The following ZC3H12B variants were observed in gnomAD, a reference collection of about 807,000 sequenced individuals.
ZC3H12B encodes the protein zinc finger CCCH-type containing 12B, also known as probable ribonuclease ZC3H12B.
ZC3H12B carries 7 observed loss-of-function variants against 43.9 expected under a neutral mutation model. That is an observed-to-expected ratio of 0.16 (90% CI 0.09 to 0.30). The LOEUF (loss-of-function observed/expected upper bound fraction) is 0.30. ZC3H12B is among the 10% of genes least tolerant of loss of function. The pLI is 1.00. For missense variants in ZC3H12B, 475 were observed against 670.2 expected, an observed-to-expected ratio of 0.71 and a Z score of 3.22; for synonymous variants, 222 against 241.7, an observed-to-expected ratio of 0.92 and a Z score of 0.76.
At chrX:65,085,654 C>G in the ZC3H12B span, among the ~76,000 whole-genome samples, 1 of 110,031 alleles carries the variant, frequency 9.1e-6, no homozygotes, top group Non-Finnish European at 1.9e-5. Flanking sequence ...CACTGGTAAT[C>G]CCAGCTACTC....
At chrX:65,179,254 T>A in the ZC3H12B span, among the ~76,000 whole-genome samples, 1 of 107,525 alleles carries the variant, frequency 9.3e-6, no homozygotes, top group African/African-American at 3.4e-5. Context: ...GTGGGGCCTG[T>A]CGGGGTGTTG....
chrX:65,083,219 T>G, the ZC3H12B span, among the ~76,000 whole-genome samples: 1 of 111,393 alleles, frequency 9.0e-6, no homozygotes, highest in Non-Finnish European at 1.9e-5. Flanking sequence ...GGATGCCCAC[T>G]GCCACCCCTG....
chrX:65,223,049 T>C, the ZC3H12B span, among the ~76,000 whole-genome samples: 6 of 111,682 alleles, frequency 5.4e-5, no homozygotes, highest in African/African-American at 2.0e-4. Context: ...CATAGACCAA[T>C]GGAACAGAAT....
the ZC3H12B span, among the ~76,000 whole-genome samples, chrX:65,267,115 T>G: frequency 6.9e-4 from 76 of 110,246 alleles, no homozygotes; most frequent in African/African-American, 2.3e-3. Context: ...TAAAGCAGGG[T>G]TGTAAAAAGC....
intron 3 of ZC3H12B, among the ~76,000 whole-genome samples, chrX:65,436,220 G>A (rs1266241165): frequency 9.0e-6 from 1 of 111,675 alleles, no homozygotes; most frequent in Non-Finnish European, 1.9e-5. Context: ...GAACAGCAAG[G>A]GGGATGTCTG....
chrX:65,398,236 C>T (rs1158867931), intron 2 of ZC3H12B, among the ~76,000 whole-genome samples: 4 of 111,780 alleles, frequency 3.6e-5, no homozygotes, highest in African/African-American at 6.5e-5. Context: ...TATCCAAATA[C>T]CATTGATACT....
the ZC3H12B span, among the ~76,000 whole-genome samples, chrX:65,123,616 G>A: frequency 5.7e-5 from 6 of 105,975 alleles, no homozygotes. Flanking sequence ...CATGAGCATA[G>A]GATGTGTTTC....
the ZC3H12B span, among the ~76,000 whole-genome samples, chrX:65,160,677 G>T: frequency 9.0e-6 from 1 of 111,260 alleles, no homozygotes; most frequent in Non-Finnish European, 1.9e-5. Context: ...CTTGCTAATG[G>T]TGTATCAATT....
chrX:65,046,244 A>G, the ZC3H12B span, among the ~76,000 whole-genome samples: 7 of 111,943 alleles, frequency 6.3e-5, no homozygotes, highest in Non-Finnish European at 1.3e-4. Flanking sequence ...TCTAACTGTG[A>G]AAGTCCTAGA....
chrX:65,225,036 T>C, the ZC3H12B span, among the ~76,000 whole-genome samples: 3 of 111,854 alleles, frequency 2.7e-5, no homozygotes, highest in Non-Finnish European at 5.6e-5. Flanking sequence ...TCTCCCATCA[T>C]GCAGCTGGAG....
chrX:65,113,700 C>T, the ZC3H12B span, among the ~76,000 whole-genome samples: 6 of 110,079 alleles, frequency 5.5e-5, no homozygotes, highest in South Asian at 3.9e-4. Context: ...GGAACCACCA[C>T]GCTGATCAGT....
the ZC3H12B span, among the ~76,000 whole-genome samples, chrX:65,249,830 T>C: frequency 1.0e-5 from 1 of 98,535 alleles, no homozygotes; most frequent in Admixed American, 1.1e-4. Flanking sequence ...GCAGCTATTG[T>C]AAACGGGTTT....
the ZC3H12B span, among the ~76,000 whole-genome samples, chrX:65,336,006 A>G: frequency 3.6e-5 from 4 of 111,895 alleles, no homozygotes; most frequent in Non-Finnish European, 5.6e-5. Context: ...TTGCTAGGCC[A>G]TCTTGAACAG....
the ZC3H12B span, among the ~76,000 whole-genome samples, chrX:65,107,508 T>C: frequency 9.0e-6 from 1 of 111,155 alleles, no homozygotes; most frequent in Admixed American, 9.6e-5. Context: ...TCATAGAGTA[T>C]ACTTACACAA....
At chrX:65,038,170 A>G in the ZC3H12B span, among the ~76,000 whole-genome samples, 5 of 111,400 alleles carry the variant, frequency 4.5e-5, no homozygotes, top group Non-Finnish European at 9.5e-5. Context: ...AGAATTCCAA[A>G]TATAAAGAAT....
chrX:65,180,549 A>T, the ZC3H12B span, among the ~76,000 whole-genome samples: 3 of 111,787 alleles, frequency 2.7e-5, no homozygotes, highest in Admixed American at 9.6e-5. Context: ...TTAAGCTGAT[A>T]AGAAACTTCA....
chrX:65,385,426 T>C (rs1330770986), intron 2 of ZC3H12B, among the ~76,000 whole-genome samples: 1 of 111,586 alleles, frequency 9.0e-6, no homozygotes, highest in South Asian at 3.7e-4. Context: ...GAATGGGAGT[T>C]CACTCATGAT....
the ZC3H12B span, among the ~76,000 whole-genome samples, chrX:65,137,290 T>C: frequency 8.9e-6 from 1 of 112,352 alleles, no homozygotes; most frequent in Non-Finnish European, 1.9e-5. Flanking sequence ...TATTCACTTC[T>C]GTGTCAAAGC....
chrX:65,453,507 G>T (rs772683350), intron 3 of ZC3H12B, among the ~76,000 whole-genome samples: 24 of 103,948 alleles, frequency 2.3e-4, no homozygotes, highest in African/African-American at 8.4e-4. Context: ...GATCACCTGA[G>T]ATCAGGAGTT....
Sources: allele counts gnomAD v4.1 joint callset (sites outside exome capture counted in the v4.1 genomes callset), GRCh38; gene constraint gnomAD v4.1.1; transcripts MANE v1.5; gene names NCBI Gene and HGNC (gene_info 2026-07-23, HGNC 2026-07-21).